The following NPL variants were observed in gnomAD, a reference collection of about 807,000 sequenced individuals.
NPL encodes N-acetylneuraminate pyruvate lyase, also known as N-acetylneuraminate lyase.
Under a neutral mutation model 41.1 loss-of-function variants are expected in NPL, and 32 were observed. The ratio of observed to expected loss-of-function variants is 0.78; its 90% confidence interval spans 0.59 to 1.05. The LOEUF is 1.05. Among genes scored for constraint, NPL ranks in the 50% least tolerant of loss-of-function variants. The pLI, the probability that NPL is intolerant of heterozygous loss-of-function variation, is 0.00. For synonymous variants in NPL, 128 were observed against 134.9 expected (o/e 0.95, Z 0.35); for missense variants, 321 against 378.4 (o/e 0.85, Z 1.26).
rs1667722352 is a variant in NPL, at chr1:182,829,833, T to G, written c.*925T>G. ...AAGATTTGGGGAGGACCCAAAGGAC[T>G]CAGAACTTTCTCTCCATACCTCCTT... On this transcript the variant is annotated 3_prime_UTR_variant, in exon 13 of 13. Transcript: ENST00000367553. 3.4e-6 allele frequency: 2 copies of G among 588,614 alleles called. No individual in the cohort carries two copies. Among genetic ancestry groups the G allele is most frequent in the South Asian group, 4.7e-5 (2 of 42,314 alleles). 36.5% of individuals were successfully genotyped at this position (588,614 alleles called of 1,614,324 possible). A position where few individuals can be genotyped will look rare whatever the true frequency, so the allele number is the denominator to read the frequency against.
Position 182,828,618 on chromosome 1 carries a change from TA to T in NPL, c.779-105del. On this transcript the variant is annotated intron_variant, in intron 12 of 12. Coordinates refer to ENST00000367553, the MANE Select transcript of NPL (RefSeq NM_030769.3). This position sits in a 1 kb window ranked among gnomAD's most constrained non-coding sequence, Gnocchi z 4.0. ...ATGTTCCCATCTTTTGTTTTAATCT[TA>T]CCCTGTTGTAGTAGTTGCTGTTAGC... 1 of 1,409,822 alleles carries T rather than the reference TA, an allele frequency of 7.1e-7. No individual in the cohort carries two copies. Among genetic ancestry groups the T allele is most frequent in the African/African-American group, 1.4e-5 (1 of 70,808 alleles). The allele number at this position is 1,409,822 out of a possible 1,614,324, so 87.3% of individuals were successfully genotyped here.
chr1:182,818,828 C>A lies in NPL; in HGVS notation c.622C>A (p.Leu208Met). ...FGVDEQLLSA[L>M]VMGATGAVGS... Reference sequence around the variant, plus strand: ...TTCTGATTAGCAACTGTTGAGTGCTCTGGTGATGGGAGCAACTGGAGCAGT... The same window carrying A: ...TTCTGATTAGCAACTGTTGAGTGCTATGGTGATGGGAGCAACTGGAGCAGT... The change falls in exon 10 of 13, where the codon CTG becomes ATG. Residue 208 changes from leucine (L) to methionine (M), a missense_variant. Coordinates refer to ENST00000367553, the MANE Select transcript of NPL (RefSeq NM_030769.3). 1 of 1,614,040 alleles carries A rather than the reference C, an allele frequency of 6.2e-7. No individual in the cohort carries two copies. Among genetic ancestry groups the A allele is most frequent in the Non-Finnish European group, 8.5e-7 (1 of 1,179,936 alleles).
chr1:182,824,288 G>C (rs1237464949), intron 11 of NPL, among the ~76,000 whole-genome samples: 1 of 152,166 alleles, frequency 6.6e-6, no homozygotes, highest in Non-Finnish European at 1.5e-5. Flanking sequence ...TACATGCTAT[G>C]TTAAATGGAA....
intron 5 of NPL, among the ~76,000 whole-genome samples, chr1:182,807,265 A>G (rs1667041552): frequency 6.6e-6 from 1 of 152,142 alleles, no homozygotes; most frequent in African/African-American, 2.4e-5. Flanking sequence ...GATCATGAAA[A>G]CTAACACCCC....
chr1:182,807,765 C>T (rs1474379979), intron 5 of NPL, among the ~76,000 whole-genome samples: 1 of 150,506 alleles, frequency 6.6e-6, no homozygotes, highest in African/African-American at 2.4e-5. Flanking sequence ...GTGGCGGGCT[C>T]CTGTAGTCCC....
intron 3 of NPL, among the ~76,000 whole-genome samples, chr1:182,796,384 C>A (rs1222186803): frequency 6.6e-6 from 1 of 151,886 alleles, no homozygotes; most frequent in Non-Finnish European, 1.5e-5. Context: ...GGAATCTGCA[C>A]TTCTGGCATG....
In NPL at chr1:182,806,262, C is replaced by T. The variant is rs758911739; in HGVS notation, c.230+30C>T. 7 of 1,613,760 alleles carry T rather than the reference C, an allele frequency of 4.3e-6. No individual in the cohort carries two copies. In the South Asian group the frequency reaches 7.7e-5, roughly 18 times the overall value. On this transcript the variant is annotated intron_variant, in intron 5 of 12. Transcript: ENST00000367553. The stretch of plus-strand genomic sequence containing the variant: ...GTGGCTGCATGAGGATAAAAATGCC[C>T]TTTGGCAACAGCTGTATTCAGTGAG...
intron 3 of NPL, among the ~76,000 whole-genome samples, chr1:182,801,184 AG>A (rs1170651018): frequency 6.6e-6 from 1 of 152,246 alleles, no homozygotes; most frequent in Non-Finnish European, 1.5e-5. Context: ...CTTAAGTCCA[AG>A]AACATTTTCT....
intron 3 of NPL, among the ~76,000 whole-genome samples, chr1:182,803,334 A>C (rs374785857): frequency 6.6e-6 from 1 of 152,238 alleles, no homozygotes. Context: ...GCAACCATCA[A>C]TCTTCCCCTA....
At chr1:182,804,271 G>A (rs1340786516) in intron 4 of NPL, among the ~76,000 whole-genome samples, 1 of 152,104 alleles carries the variant, frequency 6.6e-6, no homozygotes, top group Non-Finnish European at 1.5e-5. Flanking sequence ...CGGACTATAG[G>A]CGCACACCAC....
intron 5 of NPL, chr1:182,809,279 C>T (rs376944551): frequency 4.6e-6 from 2 of 436,380 alleles, no homozygotes; most frequent in Non-Finnish European, 9.2e-6. Flanking sequence ...TGGCTCACAC[C>T]TGTAATCCCA....
At chr1:182,820,542 T>G (rs370057806) in intron 10 of NPL, among the ~76,000 whole-genome samples, 30 of 152,214 alleles carry the variant, frequency 2.0e-4, no homozygotes, top group African/African-American at 7.0e-4. Flanking sequence ...GAGAAATTTA[T>G]AAGAAAAGAA....
intron 3 of NPL, among the ~76,000 whole-genome samples, chr1:182,795,054 C>T (rs1298514212): frequency 2.0e-5 from 3 of 152,160 alleles, no homozygotes; most frequent in Non-Finnish European, 4.4e-5. Flanking sequence ...GTATTTTGAC[C>T]TCCAGATGAA....
intron 12 of NPL, among the ~76,000 whole-genome samples, chr1:182,827,858 C>G (rs1667670888): frequency 6.6e-6 from 1 of 152,090 alleles, no homozygotes; most frequent in Non-Finnish European, 1.5e-5. Context: ...TTCTGGGTAA[C>G]CCATTGAACA....
Position 182,829,675 on chromosome 1 carries a change from A to G in NPL, c.*767A>G, listed in dbSNP as rs1667717890. ...GGCACCACAAACTTCCCCTTCCTCC[A>G]CTGAGAAGACTGTCTCTCCCGCAGG... On this transcript the variant is annotated 3_prime_UTR_variant, in exon 13 of 13. Coordinates refer to ENST00000367553, the MANE Select transcript of NPL (RefSeq NM_030769.3). The G allele has an allele frequency of 1.1e-5, 17 of 1,517,244 alleles. No individual in the cohort carries two copies. Among genetic ancestry groups the G allele is most frequent in the Non-Finnish European group, 1.3e-5 (14 of 1,116,302 alleles). The allele number at this position is 1,517,244 out of a possible 1,614,324, so 94.0% of individuals were successfully genotyped here.
chr1:182,792,771 G>A lies in NPL; in HGVS notation c.-17+485G>A, dbSNP rs948301037. ...CATGTCTGTTTGCAAGGAAAGTATC[G>A]TGTTGTCTTTCTACTGAAAACAGTC... On this transcript the variant is annotated intron_variant, in intron 2 of 12. Transcript: ENST00000367553. Among the ~76,000 whole-genome samples, 9 of 152,216 alleles carry A rather than the reference G, an allele frequency of 5.9e-5. No individual in the cohort carries two copies. In the South Asian group the frequency reaches 8.3e-4, roughly 14 times the overall value.
At chr1:182,814,052 T>C (rs1264892951) in intron 6 of NPL, among the ~76,000 whole-genome samples, 3 of 152,218 alleles carry the variant, frequency 2.0e-5, no homozygotes, top group Non-Finnish European at 4.4e-5. Context: ...CCTTTTTAGA[T>C]AGTGGGGCAC....
rs753220718 is a variant in NPL, at chr1:182,822,133, A to G, written c.672A>G (p.Gly224=). 6.2e-7 allele frequency: 1 copy of G among 1,610,652 alleles called. No individual in the cohort carries two copies. The highest frequency in any genetic ancestry group is 1.7e-5 in the Admixed American group (1 of 60,022). ...TTGCCAGTACCTATAACTACCTGGGAAAAAAGACAAACCAGATGTTGGAGG... is the reference window on the plus strand; with the variant it reads ...TTGCCAGTACCTATAACTACCTGGGGAAAAAGACAAACCAGATGTTGGAGG... ...GAVGSTYNYL[G]KKTNQMLEAF... is the part of the protein sequence containing the mutation. The change falls in exon 11 of 13, where the codon GGA becomes GGG. Residue 224 remains glycine, a synonymous_variant. Coordinates refer to ENST00000367553, the MANE Select transcript of NPL (RefSeq NM_030769.3).
At chr1:182,806,678 C>T in intron 5 of NPL, 1 of 923,160 alleles carries the variant, frequency 1.1e-6, no homozygotes, top group Non-Finnish European at 1.6e-6. Flanking sequence ...ACTCAATGTG[C>T]TCTTTTATGG....
Sources: gnomAD v4.1 joint callset for allele counts (sites outside exome capture counted in the v4.1 genomes callset) on GRCh38, gnomAD v4.1.1 for gene constraint, Gnocchi (gnomAD v3.1) non-coding constraint, MANE v1.5 for transcripts, NCBI Gene and HGNC (gene_info 2026-07-23, HGNC 2026-07-21) for gene names.